The following SMARCAD1 variants were observed in gnomAD, a reference collection of about 807,000 sequenced individuals.
The protein encoded by SMARCAD1 is SNF2 related chromatin remodeling ATPase with DExD box 1.
Under a neutral mutation model 127.1 loss-of-function variants are expected in SMARCAD1, and 25 were observed. The observed-to-expected ratio is 0.20, with a 90% CI of 0.14 to 0.27. The LOEUF (loss-of-function observed/expected upper bound fraction) is 0.27. SMARCAD1 is among the 10% of genes least tolerant of loss of function. The pLI, the probability that SMARCAD1 is intolerant of heterozygous loss-of-function variation, is 1.00. For synonymous variants in SMARCAD1, 400 were observed against 396.9 expected (o/e 1.01, Z -0.09); for missense variants, 807 against 1,206.0 (o/e 0.67, Z 4.90).
rs151219555 is a variant in SMARCAD1 at position 94,213,208 on chromosome 4, A to G, written c.190+4624A>G. ...TGTGATAAAACCATATAATAGGGCA[A>G]AATACTAAGCAAAGTAGAATCACTA... is the stretch of plus-strand genomic sequence containing the variant. On this transcript the variant is annotated intron_variant, in intron 2 of 23. Transcript: ENST00000354268. 1,539 of 698,718 alleles carry G rather than the reference A, an allele frequency of 2.2e-3. 7 individuals are homozygous for G. In the African/African-American group the frequency reaches 0.026, roughly 12 times the overall value. 43.3% of individuals were successfully genotyped at this position (698,718 alleles called of 1,614,324 possible).
In SMARCAD1 at chr4:94,290,968, C is replaced by G. The variant is rs528815456; in HGVS notation, c.*1434C>G. The G allele has an allele frequency of 4.9e-5, 22 of 450,674 alleles. No individual in the cohort carries two copies. In the East Asian group the frequency reaches 1.5e-3, roughly 30 times the overall value. 27.9% of individuals were successfully genotyped at this position (450,674 alleles called of 1,614,324 possible). ...AAGACTGAGAACTCACGGCTTAACCCCAGTCTTGATGGTATATTGAACAGA... is the reference window on the plus strand; with the variant it reads ...AAGACTGAGAACTCACGGCTTAACCGCAGTCTTGATGGTATATTGAACAGA... On this transcript the variant is annotated 3_prime_UTR_variant, in exon 24 of 24. Coordinates refer to ENST00000354268, the MANE Select transcript of SMARCAD1 (RefSeq NM_020159.5).
chr4:94,220,552 T>G (rs2125816675), intron 2 of SMARCAD1, among the ~76,000 whole-genome samples: 2 of 152,266 alleles, frequency 1.3e-5, no homozygotes, highest in Middle Eastern at 3.4e-3. Context: ...CCAGCCCTCA[T>G]CAGTTTTCAA....
intron 3 of SMARCAD1, among the ~76,000 whole-genome samples, chr4:94,231,141 T>C (rs1031953451): frequency 5.3e-5 from 8 of 152,202 alleles, no homozygotes; most frequent in African/African-American, 1.9e-4. Flanking sequence ...TAATAAAATC[T>C]GTGAAATGGA....
intron 3 of SMARCAD1, among the ~76,000 whole-genome samples, chr4:94,232,466 G>A (rs749255462): frequency 3.9e-5 from 6 of 152,102 alleles, no homozygotes; most frequent in Non-Finnish European, 7.4e-5. Context: ...AATATAGAGA[G>A]GCATAATGAA....
chr4:94,269,116 G>C (rs924390501), intron 10 of SMARCAD1, among the ~76,000 whole-genome samples: 2 of 152,148 alleles, frequency 1.3e-5, no homozygotes, highest in Non-Finnish European at 1.5e-5. Context: ...ACTTTTAGTT[G>C]TATTAAATGG....
rs111797054 is a variant in SMARCAD1, at chr4:94,241,174, T to G, written c.705+168T>G. Among the ~76,000 whole-genome samples, 1,434 of 152,298 alleles carry G rather than the reference T, an allele frequency of 9.4e-3. 18 individuals carry two copies. Among genetic ancestry groups the G allele is most frequent in the Middle Eastern group, 0.061 (18 of 294 alleles). On this transcript the variant is annotated intron_variant, in intron 6 of 23. Transcript: ENST00000354268. Reference sequence around the variant, plus strand: ...TTTGTGACTGTTTTTGCTTTTTAATTTATCCAGTATGAAGCCTGCTTAAGC... The same window carrying G: ...TTTGTGACTGTTTTTGCTTTTTAATGTATCCAGTATGAAGCCTGCTTAAGC...
At chr4:94,286,920 A>T (rs1755018298) in intron 23 of SMARCAD1, among the ~76,000 whole-genome samples, 1 of 152,184 alleles carries the variant, frequency 6.6e-6, no homozygotes, top group Non-Finnish European at 1.5e-5. Flanking sequence ...ACTGGAGTGC[A>T]GAGGCGCAAT....
rs1379917511 is a variant in SMARCAD1 at position 94,290,937 on chromosome 4, ATAT to A, written c.*1406_*1408del. The A allele has an allele frequency of 6.6e-6, 3 of 453,776 alleles. No homozygotes were observed. Among genetic ancestry groups the A allele is most frequent in the Non-Finnish European group, 1.3e-5 (3 of 226,568 alleles). 28.1% of individuals were successfully genotyped at this position (453,776 alleles called of 1,614,324 possible). On this transcript the variant is annotated 3_prime_UTR_variant, in exon 24 of 24. Coordinates refer to ENST00000354268, the MANE Select transcript of SMARCAD1 (RefSeq NM_020159.5). The stretch of plus-strand genomic sequence containing the variant: ...TAAAACTCTTACAGTGATTATTTAG[ATAT>A]TAAAGACTGAGAACTCACGGCTTAA...
intron 10 of SMARCAD1, among the ~76,000 whole-genome samples, chr4:94,268,249 T>C (rs998674117): frequency 1.3e-5 from 2 of 152,222 alleles, no homozygotes; most frequent in Non-Finnish European, 2.9e-5. Context: ...TAAAAATCTG[T>C]GTAGTTTTTT....
intron 6 of SMARCAD1, among the ~76,000 whole-genome samples, chr4:94,242,569 C>G (rs946565229): frequency 5.9e-5 from 9 of 152,112 alleles, no homozygotes; most frequent in African/African-American, 1.9e-4. Flanking sequence ...AGCAGTTGTT[C>G]ACTTGGCTGG....
rs970419479 is a variant in SMARCAD1 at position 94,270,207 on chromosome 4, A to AAC, written c.1482-521_1482-520insAC. On this transcript the variant is annotated intron_variant, in intron 10 of 23. Transcript: ENST00000354268. Reference sequence around the variant, plus strand: ...TGTGCTGTGTACATTTGTACGTAGTATGCACATAATACACACATAAATGCG... The same window carrying AAC: ...TGTGCTGTGTACATTTGTACGTAGTAACTGCACATAATACACACATAAATGCG... Among the ~76,000 whole-genome samples, 4 of 152,176 alleles carry AAC rather than the reference A, an allele frequency of 2.6e-5. No homozygotes were observed. The East Asian group carries it at 7.8e-4, about 30-fold the overall frequency.
chr4:94,209,317 C>T (rs2125776837), intron 2 of SMARCAD1, among the ~76,000 whole-genome samples: 1 of 152,234 alleles, frequency 6.6e-6, no homozygotes, highest in Non-Finnish European at 1.5e-5. Flanking sequence ...GTAGATATTA[C>T]TGACATAGAG....
Position 94,249,506 on chromosome 4 carries a change from A to G in SMARCAD1, c.706-148A>G, listed in dbSNP as rs148502198. The G allele has an allele frequency of 3.9e-3, 2,436 of 619,366 alleles. 13 individuals are homozygous for G. Among genetic ancestry groups the G allele is most frequent in the African/African-American group, 0.026 (1,409 of 54,450 alleles). The allele number at this position is 619,366 out of a possible 1,614,324, so 38.4% of individuals were successfully genotyped here. On this transcript the variant is annotated intron_variant, in intron 6 of 23. Coordinates refer to ENST00000354268, the MANE Select transcript of SMARCAD1 (RefSeq NM_020159.5). Reference sequence around the variant, plus strand: ...CATCCTTAAAGACATAAATATGTCAATGTTCACAGAAACAAAAAGAAACAG... The same window carrying G: ...CATCCTTAAAGACATAAATATGTCAGTGTTCACAGAAACAAAAAGAAACAG...
chr4:94,265,018 A>G (rs777091126), intron 10 of SMARCAD1, 112 bp downstream of exon 10: 1 of 1,039,636 alleles, frequency 9.6e-7, no homozygotes. Context: ...GTAGGAGAGA[A>G]CCCCCAGGTT....
intron 2 of SMARCAD1, among the ~76,000 whole-genome samples, chr4:94,219,741 C>T (rs1206666661): frequency 6.6e-6 from 1 of 152,174 alleles, no homozygotes; most frequent in Non-Finnish European, 1.5e-5. Context: ...AGGCTGTTTT[C>T]CCTCCTGTTC....
At chr4:94,215,579 A>T (rs1037167687) in intron 2 of SMARCAD1, among the ~76,000 whole-genome samples, 2 of 137,158 alleles carry the variant, frequency 1.5e-5, no homozygotes, top group Non-Finnish European at 3.1e-5. Context: ...TGTGATCACT[A>T]CACTACATTC....
At chr4:94,257,085 A>G (rs541180706) in intron 9 of SMARCAD1, among the ~76,000 whole-genome samples, 2 of 152,226 alleles carry the variant, frequency 1.3e-5, no homozygotes, top group Non-Finnish European at 2.9e-5. Context: ...GAAAGAAAAA[A>G]GTCCTTTGAG....
At position 94,284,346 on chromosome 4, in the gene SMARCAD1, A is replaced by AG. The variant is rs1238046906; in HGVS notation, c.2910-614_2910-613insG. Among the ~76,000 whole-genome samples the AG allele has an allele frequency of 8.3e-4, 83 of 99,732 alleles. 4 individuals are homozygous for AG. The highest frequency in any genetic ancestry group is 1.6e-3 in the Non-Finnish European group (69 of 43,422). 65.4% of individuals were successfully genotyped at this position (99,732 alleles called of 152,430 possible). A position where few individuals can be genotyped will look rare whatever the true frequency, so the allele number is the denominator to read the frequency against. On this transcript the variant is annotated intron_variant, in intron 22 of 23. Transcript: ENST00000354268. ...CGTCTCAAAAAAAAAAAAAAAAAAA[A>AG]AAAAAAAGAAAAAAGTAATTTCCAT...
chr4:94,261,358 C>T (rs933832799), intron 9 of SMARCAD1, among the ~76,000 whole-genome samples: 2 of 152,178 alleles, frequency 1.3e-5, no homozygotes, highest in African/African-American at 2.4e-5. Context: ...TGCTTAGGCA[C>T]TAACCTTCAA....
Sources: allele counts gnomAD v4.1 joint callset (sites outside exome capture counted in the v4.1 genomes callset), GRCh38; gene constraint gnomAD v4.1.1; transcripts MANE v1.5; gene names NCBI Gene and HGNC (gene_info 2026-07-23, HGNC 2026-07-21).